Variants in ATP7B observed in about 807,000 individuals in gnomAD.
ATP7B encodes the protein copper-transporting ATPase 2.
In ATP7B, 113 loss-of-function variants were observed where a neutral mutation model predicts 118.9. The observed-to-expected ratio is 0.95, with a 90% confidence interval of 0.82 to 1.11. The LOEUF is 1.11. ATP7B is among the 50% of genes most tolerant of loss of function. The probability of loss-of-function intolerance (pLI) is 0.00; values close to 1 mark genes in which losing one functional copy is unlikely to be tolerated. For synonymous variants in ATP7B, 777 were observed against 727.4 expected (o/e 1.07, Z -1.10); for missense variants, 1,867 against 1,871.4 (o/e 1.00, Z 0.04).
intron 1 of ATP7B, among the ~76,000 whole-genome samples, chr13:52,008,831 T>C (rs1953895749): frequency 6.6e-6 from 1 of 152,132 alleles, no homozygotes. Flanking sequence ...CATCTTCCTC[T>C]CCACCCATGT....
In ATP7B at chr13:51,974,115, T is replaced by A; in HGVS notation, c.1105A>T (p.Thr369Ser). Reference sequence around the variant, plus strand: ...ATGGAATGGACACAGGATGCACAGGTCATGCCGGCAATGGCAATCAGAGTG... The same window carrying A: ...ATGGAATGGACACAGGATGCACAGGACATGCCGGCAATGGCAATCAGAGTG... ...STTLIAIAGM[T>S]CASCVHSIEG... The change falls in exon 2 of 21, where the codon ACC becomes TCC. Residue 369 changes from threonine (T) to serine (S), a missense_variant. Physicochemically the swap from Thr to Ser is moderately conservative, Grantham distance 58 (BLOSUM62 1). Coordinates refer to ENST00000242839, the MANE Select transcript of ATP7B (RefSeq NM_000053.4). The A allele has an allele frequency of 6.2e-7, 1 of 1,613,874 alleles. No individual in the cohort carries two copies. The highest frequency in any genetic ancestry group is 8.5e-7 in the Non-Finnish European group (1 of 1,180,016).
At chr13:52,008,212 C>T (rs1338381000) in intron 1 of ATP7B, among the ~76,000 whole-genome samples, 4 of 152,080 alleles carry the variant, frequency 2.6e-5, no homozygotes, top group Admixed American at 1.3e-4. Context: ...TGGTGGCGTG[C>T]GCCTGTAATC....
At chr13:51,998,647 G>A (rs754630664) in intron 1 of ATP7B, among the ~76,000 whole-genome samples, 16 of 152,082 alleles carry the variant, frequency 1.1e-4, no homozygotes, top group African/African-American at 1.4e-4. Context: ...CCATTTTCCA[G>A]AAGAAAATTC....
Position 51,961,954 on chromosome 13 carries a change from G to C in ATP7B, c.1870-41C>G, listed in dbSNP as rs911764121. 6.4e-7 allele frequency: 1 copy of C among 1,554,660 alleles called. No homozygotes were observed. Among genetic ancestry groups the C allele is most frequent in the Non-Finnish European group, 8.9e-7 (1 of 1,126,324 alleles). On this transcript the variant is annotated intron_variant, in intron 5 of 20. Coordinates refer to ENST00000242839, the MANE Select transcript of ATP7B (RefSeq NM_000053.4). ...AGAGGGGTGGGGAAAAAGGAGGAAG[G>C]TACTTGGTTAAAATATGCATTGGCA...
rs1410324963 is a variant in ATP7B at position 51,934,952 on chromosome 13, C to T, written c.4202G>A (p.Ser1401Asn). 7 of 1,613,976 alleles carry T rather than the reference C, an allele frequency of 4.3e-6. 1 individual carries two copies. In the South Asian group the frequency reaches 5.5e-5, roughly 13 times the overall value. The change falls in exon 21 of 21, where the codon AGT becomes AAT. Residue 1401 changes from serine (S) to asparagine (N), a missense_variant. Coordinates refer to ENST00000242839, the MANE Select transcript of ATP7B (RefSeq NM_000053.4). ...HMKPLTASQVSVHIGMDDRWR... is the reference protein window; with the variant it reads ...HMKPLTASQVNVHIGMDDRWR... ...CCTGTCATCCATGCCTATGTGCACACTGACCTGGGATGCCGTCAGGGGCTT... is the reference window on the plus strand; with the variant it reads ...CCTGTCATCCATGCCTATGTGCACATTGACCTGGGATGCCGTCAGGGGCTT...
chr13:52,006,827 C>T (rs1953794077), intron 1 of ATP7B, among the ~76,000 whole-genome samples: 1 of 152,156 alleles, frequency 6.6e-6, no homozygotes, highest in African/African-American at 2.4e-5. Context: ...CTCCTGTGTG[C>T]CCAATCAATG....
chr13:51,965,386 G>A (rs1379090250), intron 4 of ATP7B, among the ~76,000 whole-genome samples: 5 of 152,126 alleles, frequency 3.3e-5, no homozygotes, highest in Admixed American at 6.6e-5. Context: ...ATGCCTGTAC[G>A]GGGTTGTGCA....
Position 52,011,378 on chromosome 13 carries a change from G to C in ATP7B, c.-41C>G, listed in dbSNP as rs768129028. 4 of 1,613,980 alleles carry C rather than the reference G, an allele frequency of 2.5e-6. No individual in the cohort carries two copies. Among genetic ancestry groups the C allele is most frequent in the Non-Finnish European group, 3.4e-6 (4 of 1,179,804 alleles). On this transcript the variant is annotated 5_prime_UTR_variant, in exon 1 of 21. Transcript: ENST00000242839. The stretch of plus-strand genomic sequence containing the variant: ...CCGAATTCTTCTCTGATCTGGCTCA[G>C]AGCAAAAGGTCACCTGGTCGGTGGA...
chr13:51,976,862 T>C (rs1452789784), intron 1 of ATP7B, among the ~76,000 whole-genome samples: 2 of 152,212 alleles, frequency 1.3e-5, no homozygotes, highest in Non-Finnish European at 2.9e-5. Context: ...GAATGGAGCT[T>C]GCAGGACTGG....
At chr13:51,980,080 T>C (rs1046465550) in intron 1 of ATP7B, among the ~76,000 whole-genome samples, 6 of 152,224 alleles carry the variant, frequency 3.9e-5, no homozygotes, top group Non-Finnish European at 8.8e-5. Flanking sequence ...TCAATTAAGA[T>C]GATCCTTGGG....
At position 51,934,846 on chromosome 13, in the gene ATP7B, G is replaced by A. The variant is rs778639218; in HGVS notation, c.4308C>T (p.Asp1436=). Reference sequence around the variant, plus strand: ...CTGCAGCGCTGTGCCGAGATGGCTTGTCGGACGTCAGGGAGGACAGCGACA... The same window carrying A: ...CTGCAGCGCTGTGCCGAGATGGCTTATCGGACGTCAGGGAGGACAGCGACA... ...SQVSLSSLTS[D]KPSRHSAAAD... Residue 1436 remains aspartate, a synonymous_variant, in exon 21 of 21, where the codon GAC becomes GAT. Transcript: ENST00000242839. 51 of 1,614,222 alleles carry A rather than the reference G, an allele frequency of 3.2e-5. No homozygotes were observed. Among genetic ancestry groups the A allele is most frequent in the Non-Finnish European group, 4.2e-5 (50 of 1,180,046 alleles).
intron 1 of ATP7B, among the ~76,000 whole-genome samples, chr13:51,981,280 T>C (rs191748650): frequency 3.2e-4 from 48 of 152,264 alleles, no homozygotes; most frequent in African/African-American, 1.1e-3. Flanking sequence ...TAAACAGCCA[T>C]ACCTGCAAGC....
At chr13:51,992,277 GT>G (rs1952954426) in intron 1 of ATP7B, among the ~76,000 whole-genome samples, 1 of 152,208 alleles carries the variant, frequency 6.6e-6, no homozygotes. Context: ...TGAATTAGCA[GT>G]TTTCCAATAC....
At position 51,970,744 on chromosome 13, in the gene ATP7B, A is replaced by G. The variant is rs145173864; in HGVS notation, c.1291T>C (p.Cys431Arg). The G allele has an allele frequency of 1.7e-4, 277 of 1,613,758 alleles. No individual in the cohort carries two copies. The highest frequency in any genetic ancestry group is 1.2e-3 in the African/African-American group (89 of 75,046). ...TGGTTTCCAAGAGGGTTAGTAGAACAGCTTTCTAGGATAAAATGTCAGAAA... is the reference window on the plus strand; with the variant it reads ...TGGTTTCCAAGAGGGTTAGTAGAACGGCTTTCTAGGATAAAATGTCAGAAA... The part of the protein sequence containing the change: ...GFEASVVSES[C>R]STNPLGNHSA... Residue 431 changes from cysteine to arginine, a missense_variant, in exon 3 of 21, where the codon TGT becomes CGT. Cys to Arg is a radical substitution (Grantham distance 180). Coordinates refer to ENST00000242839, the MANE Select transcript of ATP7B (RefSeq NM_000053.4).
rs893017462 is a variant in ATP7B, at chr13:51,962,928, C to T, written c.1870-1015G>A. Among the ~76,000 whole-genome samples the T allele has an allele frequency of 2.6e-5, 4 of 152,022 alleles. No individual in the cohort carries two copies. The South Asian group carries it at 8.3e-4, about 32-fold the overall frequency. On this transcript the variant is annotated intron_variant, in intron 5 of 20. Coordinates refer to ENST00000242839, the MANE Select transcript of ATP7B (RefSeq NM_000053.4). ...CAAACATGGCGAAACCCCATCTCTACTAAAAATACAAAAATTAGCCAGGCG... is the reference window on the plus strand; with the variant it reads ...CAAACATGGCGAAACCCCATCTCTATTAAAAATACAAAAATTAGCCAGGCG...
intron 13 of ATP7B, among the ~76,000 whole-genome samples, chr13:51,945,641 C>T (rs528543815): frequency 5.3e-4 from 80 of 152,190 alleles, no homozygotes; most frequent in Non-Finnish European, 1.0e-3. Flanking sequence ...CTCAGTATCT[C>T]GTAATACTCA....
Position 51,946,345 on chromosome 13 carries a change from C to T in ATP7B, c.2999G>A (p.Gly1000Glu). ...GAGGATGCCGTTCTGCGCGGCCACC[C>T]CGGTGCCCACCATGACAGCCGTGGG... ...ATPTAVMVGTGVAAQNGILIK... is the reference protein window; with the variant it reads ...ATPTAVMVGTEVAAQNGILIK... The change falls in exon 13 of 21, where the codon GGG (glycine) becomes GAG (glutamate). Residue 1000 changes from glycine (G) to glutamate (E), a missense_variant. Transcript: ENST00000242839. 6.2e-7 allele frequency: 1 copy of T among 1,611,230 alleles called. No individual in the cohort carries two copies. Among genetic ancestry groups the T allele is most frequent in the Non-Finnish European group, 8.5e-7 (1 of 1,179,154 alleles).
chr13:51,941,048 A>C, intron 16 of ATP7B, 33 bp downstream of exon 16: 1 of 1,612,930 alleles, frequency 6.2e-7, no homozygotes, highest in Non-Finnish European at 8.5e-7. Flanking sequence ...TGTATTTCTG[A>C]GAGAGCGGAA....
Position 51,970,645 on chromosome 13 carries a change from C to G in ATP7B, c.1390G>C (p.Gly464Arg). 6.2e-7 allele frequency: 1 copy of G among 1,614,174 alleles called. No homozygotes were observed. The highest frequency in any genetic ancestry group is 8.5e-7 in the Non-Finnish European group (1 of 1,180,028). Residue 464 changes from glycine to arginine, a missense_variant, in exon 3 of 21, where the codon GGG becomes CGG. Physicochemically the swap from Gly to Arg is moderately radical, Grantham distance 125. Coordinates refer to ENST00000242839, the MANE Select transcript of ATP7B (RefSeq NM_000053.4). The part of the protein sequence containing the change: ...TSVQEVAPHT[G>R]RLPANHAPDI... ...GGGGCATGGTTTGCAGGGAGCCTCC[C>G]AGTGTGGGGAGCCACTTCCTGCACA...
Sources: allele counts gnomAD v4.1 joint callset (sites outside exome capture counted in the v4.1 genomes callset), GRCh38; gene constraint gnomAD v4.1.1; transcripts MANE v1.5; gene names NCBI Gene and HGNC (gene_info 2026-07-23, HGNC 2026-07-21).